Variants in SOX5 observed in about 807,000 individuals in gnomAD.
The protein encoded by SOX5 is transcription factor SOX-5.
A neutral mutation model predicts 92.0 loss-of-function variants in SOX5; 9 were observed. The ratio of observed to expected loss-of-function variants is 0.10; its 90% CI spans 0.06 to 0.17. SOX5 has a LOEUF of 0.17. SOX5 is among the 10% of genes least tolerant of loss of function. The pLI, the probability that SOX5 is intolerant of heterozygous loss-of-function variation, is 1.00. For missense variants in SOX5, 642 were observed against 944.5 expected, an observed-to-expected ratio of 0.68 and a Z score of 4.20; for synonymous variants, 344 against 336.3, an observed-to-expected ratio of 1.02 and a Z score of -0.25.
chr12:24,443,997 C>T (rs939848825), intron 1 of SOX5, among the ~76,000 whole-genome samples: 13 of 152,124 alleles, frequency 8.5e-5, no homozygotes, highest in African/African-American at 2.9e-4. Flanking sequence ...TTTAAACTAG[C>T]GTTTACCTAC....
intron 1 of SOX5, among the ~76,000 whole-genome samples, chr12:24,415,468 A>G (rs7956371): frequency 0.2 from 29,721 of 152,156 alleles, 3,034 homozygotes; most frequent in Middle Eastern, 0.28. Context: ...AGAAGCAAAA[A>G]CCCTGAAAAT....
intron 2 of SOX5, among the ~76,000 whole-genome samples, chr12:23,893,524 G>GT (rs1315268510): frequency 2.0e-5 from 3 of 151,710 alleles, no homozygotes; most frequent in Non-Finnish European, 4.4e-5. Context: ...CATTATGTAT[G>GT]TATCAGTTTA....
intron 4 of SOX5, among the ~76,000 whole-genome samples, chr12:23,977,663 CAAAA>C (rs11287193): frequency 2.3e-5 from 3 of 129,552 alleles, no homozygotes; most frequent in Admixed American, 7.6e-5. Flanking sequence ...CGTTCTGTCT[CAAAA>C]AAAAAAAAAA....
At chr12:23,843,554 CTTTTTTTTTTTTTT>C (rs71059931) in intron 3 of SOX5, among the ~76,000 whole-genome samples, 2 of 71,304 alleles carry the variant, frequency 2.8e-5, no homozygotes, top group African/African-American at 6.0e-5. Context: ...GTCATTTCTC[CTTTTTTTTTTTTTT>C]TTTTTTTTTT....
At chr12:23,850,436 AAATAAATAAATAAAT>A (rs2096619928) in intron 2 of SOX5, among the ~76,000 whole-genome samples, 1 of 102,870 alleles carries the variant, frequency 9.7e-6, no homozygotes, top group Non-Finnish European at 1.8e-5. Context: ...TACAAAAAAA[AAATAAATAAATAAAT>A]AAAAAAAAAA....
At chr12:24,315,408 CAAAAAGGGAA>C (rs1949606726) in intron 2 of SOX5, among the ~76,000 whole-genome samples, 1 of 151,672 alleles carries the variant, frequency 6.6e-6, no homozygotes, top group Non-Finnish European at 1.5e-5. Flanking sequence ...GATTAAAAAA[CAAAAAGGGAA>C]AAAATACAGA....
At chr12:23,817,221 C>A (rs574322936) in intron 3 of SOX5, among the ~76,000 whole-genome samples, 1 of 152,076 alleles carries the variant, frequency 6.6e-6, no homozygotes, top group Non-Finnish European at 1.5e-5. Flanking sequence ...TTTAGCCCTC[C>A]GAGTAAGATT....
rs192494832 is a variant in SOX5 at position 24,129,937 on chromosome 12, A to G, written c.-2+83406T>C. ...ACATTTTATTTTAAATAGTTCTAAC[A>G]TGCCCATGGTAAAAACTCAAACTAA... On this transcript the variant is annotated intron_variant, in intron 4 of 4. Coordinates refer to the SOX5 transcript ENST00000446891. Among the ~76,000 whole-genome samples the G allele has an allele frequency of 1.9e-4, 29 of 152,374 alleles. No homozygotes were observed. In the East Asian group the frequency reaches 3.7e-3, roughly 19 times the overall value.
chr12:24,060,198 A>G (rs1170449053), intron 4 of SOX5, among the ~76,000 whole-genome samples: 1 of 152,236 alleles, frequency 6.6e-6, no homozygotes, highest in African/African-American at 2.4e-5. Context: ...AGCAGTCTAT[A>G]TATTTGTGTC....
At chr12:23,805,626 G>C (rs1176416958) in intron 3 of SOX5, among the ~76,000 whole-genome samples, 1 of 152,058 alleles carries the variant, frequency 6.6e-6, no homozygotes, top group Non-Finnish European at 1.5e-5. Context: ...CAGAAATCTA[G>C]AGGACAGGAA....
At chr12:23,919,242 T>C (rs1595646706) in intron 1 of SOX5, among the ~76,000 whole-genome samples, 1 of 152,152 alleles carries the variant, frequency 6.6e-6, no homozygotes, top group East Asian at 1.9e-4. Flanking sequence ...GTGAAATTGG[T>C]AGTTTCATGT....
At chr12:23,612,369 TTAAG>T (rs2076070589) in intron 8 of SOX5, among the ~76,000 whole-genome samples, 2 of 152,126 alleles carry the variant, frequency 1.3e-5, no homozygotes, top group Non-Finnish European at 2.9e-5. Flanking sequence ...CCCCAAGAGT[TTAAG>T]TAGGCATAAG....
intron 2 of SOX5, among the ~76,000 whole-genome samples, chr12:23,873,750 A>C (rs1472536311): frequency 6.6e-6 from 1 of 152,214 alleles, no homozygotes; most frequent in Non-Finnish European, 1.5e-5. Flanking sequence ...GACTACAGGT[A>C]AAGAATTGCT....
intron 2 of SOX5, among the ~76,000 whole-genome samples, chr12:24,347,835 T>C (rs545205109): frequency 6.6e-6 from 1 of 152,234 alleles, no homozygotes; most frequent in Non-Finnish European, 1.5e-5. Flanking sequence ...TACTAATTAC[T>C]TAAACTAGGG....
At position 23,791,456 on chromosome 12, in the gene SOX5, C is replaced by T. The variant is rs145231532; in HGVS notation, c.482-35732G>A. ...AGCTGCATAAGCATGTGCCACTGCA[C>T]GGGCTTTAGTTGTTTATAGTGGAAT... On this transcript the variant is annotated intron_variant, in intron 3 of 14. Coordinates refer to ENST00000451604, the MANE Select transcript of SOX5 (RefSeq NM_006940.6). 5.3e-5 allele frequency among the ~76,000 whole-genome samples: 8 copies of T among 152,252 alleles called. No homozygotes were observed. In the East Asian group the frequency reaches 9.7e-4, roughly 18 times the overall value.
chr12:24,500,661 T>C (rs1948101508), intron 1 of SOX5, among the ~76,000 whole-genome samples: 1 of 152,210 alleles, frequency 6.6e-6, no homozygotes, highest in Admixed American at 6.5e-5. Context: ...CATTGAAGAA[T>C]ATTGCCTTTC....
At chr12:24,450,175 G>T (rs898173069) in intron 1 of SOX5, among the ~76,000 whole-genome samples, 1 of 152,076 alleles carries the variant, frequency 6.6e-6, no homozygotes, top group African/African-American at 2.4e-5. Flanking sequence ...ATTCACCTTA[G>T]CTTGGGAAAC....
chr12:23,793,742 G>A (rs951330040), intron 3 of SOX5, among the ~76,000 whole-genome samples: 6 of 152,138 alleles, frequency 3.9e-5, no homozygotes, highest in East Asian at 1.9e-4. Context: ...AACATAAACC[G>A]GATCTCTGTC....
chr12:24,375,194 C>G (rs1209957021), intron 1 of SOX5, among the ~76,000 whole-genome samples: 1 of 151,414 alleles, frequency 6.6e-6, no homozygotes, highest in Non-Finnish European at 1.5e-5. Context: ...AGGATGGTCT[C>G]GATCACCTGA....
Sources: gnomAD v4.1 joint callset for allele counts (sites outside exome capture counted in the v4.1 genomes callset) on GRCh38, gnomAD v4.1.1 for gene constraint, MANE v1.5 for transcripts, NCBI Gene and HGNC (gene_info 2026-07-23, HGNC 2026-07-21) for gene names.